Variants in FBXL17 observed in about 807,000 individuals in gnomAD.
The protein encoded by FBXL17 is F-box/LRR-repeat protein 17.
Under a neutral mutation model 66.2 loss-of-function variants are expected in FBXL17, and 22 were observed. The observed-to-expected ratio is 0.33, with a 90% CI of 0.24 to 0.47. The LOEUF is 0.47. Among genes scored for constraint, FBXL17 ranks in the 20% least tolerant of loss-of-function variants. The pLI is 1.00. For synonymous variants in FBXL17, 474 were observed against 400.5 expected, an observed-to-expected ratio of 1.18 and a Z score of -2.19; for missense variants, 878 against 948.2, an observed-to-expected ratio of 0.93 and a Z score of 0.97.
chr5:108,093,094 TC>T (rs887981239), intron 6 of FBXL17, among the ~76,000 whole-genome samples: 3 of 151,790 alleles, frequency 2.0e-5, no homozygotes, highest in Non-Finnish European at 4.4e-5. Flanking sequence ...ACTCTATCCC[TC>T]CCCCCATACA....
chr5:108,087,759 C>A (rs1438087678), intron 6 of FBXL17, among the ~76,000 whole-genome samples: 1 of 151,962 alleles, frequency 6.6e-6, no homozygotes, highest in Non-Finnish European at 1.5e-5. Context: ...AACAAAATGC[C>A]CCATCTCTCC....
At chr5:107,989,250 C>T (rs938585433) in intron 7 of FBXL17, among the ~76,000 whole-genome samples, 18 of 152,096 alleles carry the variant, frequency 1.2e-4, no homozygotes, top group African/African-American at 3.6e-4. Context: ...TCTATTTTAA[C>T]GTATCTTCGT....
At chr5:108,090,617 T>C (rs1180462956) in intron 6 of FBXL17, among the ~76,000 whole-genome samples, 2 of 152,236 alleles carry the variant, frequency 1.3e-5, no homozygotes, top group African/African-American at 4.8e-5. Context: ...TGTGTTCCAA[T>C]AAAATTTAAT....
At chr5:107,882,288 AATGTTT>A (rs1748817230) in intron 7 of FBXL17, among the ~76,000 whole-genome samples, 1 of 152,188 alleles carries the variant, frequency 6.6e-6, no homozygotes, top group African/African-American at 2.4e-5. Context: ...CATGTTAACA[AATGTTT>A]ACTCCTACAG....
At chr5:107,903,996 A>G (rs1749663639) in intron 7 of FBXL17, among the ~76,000 whole-genome samples, 1 of 152,170 alleles carries the variant, frequency 6.6e-6, no homozygotes, top group Non-Finnish European at 1.5e-5. Context: ...CTATAGTTAC[A>G]TATTTATGAG....
intron 5 of FBXL17, 26 bp from the exon 6 acceptor site, chr5:108,186,273 T>C (rs1450991788): frequency 1.9e-6 from 3 of 1,599,368 alleles, no homozygotes; most frequent in Non-Finnish European, 2.6e-6. Context: ...AAATGAAAGA[T>C]GAAAAAGGTA....
At chr5:108,291,082 T>C (rs1466406056) in intron 4 of FBXL17, among the ~76,000 whole-genome samples, 4 of 152,222 alleles carry the variant, frequency 2.6e-5, no homozygotes. Context: ...CCTACACTCA[T>C]GTATATTATA....
Position 107,892,699 on chromosome 5 carries a change from T to C in FBXL17, c.1823-11520A>G, listed in dbSNP as rs147449917. On this transcript the variant is annotated intron_variant, in intron 7 of 8. Coordinates refer to ENST00000542267, the MANE Select transcript of FBXL17 (RefSeq NM_001163315.3). ...ATGTGGAAAAAAAAGCATAAAGCTA[T>C]TTACAAACTAAAACTAAACATGGAA... is the stretch of plus-strand genomic sequence containing the variant. Among the ~76,000 whole-genome samples, 235 of 152,238 alleles carry C rather than the reference T, an allele frequency of 1.5e-3. 1 individual carries two copies. Among genetic ancestry groups the C allele is most frequent in the East Asian group, 0.01 (52 of 5,168 alleles).
At chr5:108,347,068 G>A (rs1204021457) in intron 4 of FBXL17, among the ~76,000 whole-genome samples, 4 of 152,096 alleles carry the variant, frequency 2.6e-5, no homozygotes, top group Non-Finnish European at 5.9e-5. Context: ...GACATGCATT[G>A]CTTAATGACA....
chr5:108,034,453 GCC>G (rs1342182582), intron 6 of FBXL17, among the ~76,000 whole-genome samples: 284 of 152,240 alleles, frequency 1.9e-3, no homozygotes, highest in Non-Finnish European at 3.1e-3. Context: ...TCTGGCATTA[GCC>G]AGCAAATAGT....
In FBXL17 at chr5:107,900,765, T is replaced by C. The variant is rs75613918; in HGVS notation, c.1823-19586A>G. On this transcript the variant is annotated intron_variant, in intron 7 of 8. Coordinates refer to ENST00000542267, the MANE Select transcript of FBXL17 (RefSeq NM_001163315.3). ...TTTGAATTTATTGAAGCTCCTAATA[T>C]AGTAAAATCTACTGAATTTTAGGTG... is the stretch of plus-strand genomic sequence containing the variant. Among the ~76,000 whole-genome samples, 99 of 152,312 alleles carry C rather than the reference T, an allele frequency of 6.5e-4. 1 individual carries two copies. The East Asian group carries it at 0.011, about 17-fold the overall frequency.
intron 7 of FBXL17, among the ~76,000 whole-genome samples, chr5:107,966,970 A>G (rs1752167624): frequency 6.6e-6 from 1 of 152,130 alleles, no homozygotes; most frequent in Non-Finnish European, 1.5e-5. Flanking sequence ...TCATAAAACC[A>G]AAGTACCATC....
chr5:108,355,003 T>C (rs1747885448), intron 3 of FBXL17, among the ~76,000 whole-genome samples: 1 of 151,914 alleles, frequency 6.6e-6, no homozygotes, highest in African/African-American at 2.4e-5. Flanking sequence ...TAGACCTGCC[T>C]TGCAAGAAAC....
rs928380680 is a variant in FBXL17, at chr5:107,859,940, T to C, written c.*1780A>G. ...ACAGTTCAATGTGTAAGAAGAAATA[T>C]AGTTTATTAATGTTAAACAGCTTTT... is the stretch of plus-strand genomic sequence containing the variant. On this transcript the variant is annotated 3_prime_UTR_variant, in exon 9 of 9. Coordinates refer to ENST00000542267, the MANE Select transcript of FBXL17 (RefSeq NM_001163315.3). 1 of 152,184 alleles carries C rather than the reference T, an allele frequency of 6.6e-6. No homozygotes were observed. Among genetic ancestry groups the C allele is most frequent in the African/African-American group, 2.4e-5 (1 of 41,458 alleles). 9.4% of individuals were successfully genotyped at this position (152,184 alleles called of 1,614,324 possible).
At chr5:108,277,078 A>G (rs1324592451) in intron 4 of FBXL17, among the ~76,000 whole-genome samples, 8 of 152,296 alleles carry the variant, frequency 5.3e-5, no homozygotes, top group East Asian at 1.9e-4. Context: ...ATGCCATTCT[A>G]TCAATGAAAA....
intron 6 of FBXL17, among the ~76,000 whole-genome samples, chr5:108,083,250 C>CACAGAGAG (rs369652150): frequency 6.9e-5 from 10 of 145,582 alleles, no homozygotes; most frequent in African/African-American, 2.6e-4. Flanking sequence ...CACACACACA[C>CACAGAGAG]AGAGAGAGAG....
Position 108,380,857 on chromosome 5 carries a change from C to A in FBXL17, c.835G>T (p.Val279Phe). ...AAGGGGGCGGTGCCCCCGGCTCGGA[C>A]AGCGTCCCCGCCAGCTTCGGTGGGG... is the stretch of plus-strand genomic sequence containing the variant. ...GAPTEAGGDAVRAGGTAPLSA... is the reference protein window; with the variant it reads ...GAPTEAGGDAFRAGGTAPLSA... Residue 279 changes from valine to phenylalanine, a missense_variant, in exon 1 of 9, where the codon GTC becomes TTC. This residue lies in a region of FBXL17 where 605 missense variants were observed against 509.5 expected (regional missense o/e 1.19). Coordinates refer to ENST00000542267, the MANE Select transcript of FBXL17 (RefSeq NM_001163315.3). The A allele has an allele frequency of 8.0e-7, 1 of 1,245,870 alleles. No homozygotes were observed. 77.2% of individuals were successfully genotyped at this position (1,245,870 alleles called of 1,614,324 possible). A position where few individuals can be genotyped will look rare whatever the true frequency, so the allele number is the denominator to read the frequency against.
intron 6 of FBXL17, among the ~76,000 whole-genome samples, chr5:108,076,818 A>G (rs894825775): frequency 1.3e-5 from 2 of 152,168 alleles, no homozygotes; most frequent in African/African-American, 2.4e-5. Flanking sequence ...GGGAGGCTTC[A>G]TCTACATAAT....
intron 7 of FBXL17, among the ~76,000 whole-genome samples, chr5:107,881,498 A>C (rs1359816923): frequency 1.3e-5 from 2 of 152,220 alleles, no homozygotes; most frequent in African/African-American, 2.4e-5. Flanking sequence ...TTACAGATAC[A>C]ACATTTAAAA....
Sources: gnomAD v4.1 joint callset for allele counts (sites outside exome capture counted in the v4.1 genomes callset) on GRCh38, gnomAD v4.1.1 for gene constraint, gnomAD v4.1.1 regional missense constraint, MANE v1.5 for transcripts, NCBI Gene and HGNC (gene_info 2026-07-23, HGNC 2026-07-21) for gene names.